Variants in C10orf67 observed in about 807,000 individuals in gnomAD.
The protein encoded by C10orf67 is chromosome 10 open reading frame 67, also known as uncharacterized protein C10orf67, mitochondrial.
A neutral mutation model predicts 35.6 loss-of-function variants in C10orf67; 60 were observed. The ratio of observed to expected loss-of-function variants is 1.68; its 90% CI spans 1.37 to 2.09. The LOEUF is 2.09. Ranked by LOEUF, C10orf67 falls within the 30% of genes most tolerant of loss-of-function variation. The pLI is 0.00. For synonymous variants in C10orf67, 167 were observed against 115.8 expected (o/e 1.44, Z -2.84); for missense variants, 474 against 330.2 (o/e 1.44, Z -3.38).
At chr10:23,294,374 CA>C in intron 5 of C10orf67, among the ~76,000 whole-genome samples, 1 of 152,082 alleles carries the variant, frequency 6.6e-6, no homozygotes, top group Non-Finnish European at 1.5e-5. Context: ...CAGGCACACA[CA>C]CACACACACA....
At chr10:23,313,292 T>C (rs982118059) in intron 4 of C10orf67, among the ~76,000 whole-genome samples, 3 of 152,170 alleles carry the variant, frequency 2.0e-5, no homozygotes, top group African/African-American at 7.2e-5. Flanking sequence ...TGCTGGAAAA[T>C]CAGACAATGG....
intron 12 of C10orf67, among the ~76,000 whole-genome samples, chr10:23,244,426 T>C (rs1462798683): frequency 6.6e-6 from 1 of 151,862 alleles, no homozygotes; most frequent in Non-Finnish European, 1.5e-5. Context: ...AATAAAACAT[T>C]AAAAATTAGA....
At chr10:23,288,806 T>C (rs1377418602) in intron 7 of C10orf67, among the ~76,000 whole-genome samples, 1 of 152,190 alleles carries the variant, frequency 6.6e-6, no homozygotes, top group Non-Finnish European at 1.5e-5. Flanking sequence ...TACTGGAAGA[T>C]ATTTATGTTT....
intron 4 of C10orf67, among the ~76,000 whole-genome samples, chr10:23,305,967 GCACA>G (rs149195889): frequency 1.3e-5 from 2 of 149,380 alleles, no homozygotes; most frequent in African/African-American, 2.5e-5. Flanking sequence ...TTACATACGC[GCACA>G]CACACACACA....
At chr10:23,243,159 A>G (rs1842226109) in intron 12 of C10orf67, among the ~76,000 whole-genome samples, 1 of 152,248 alleles carries the variant, frequency 6.6e-6, no homozygotes, top group Non-Finnish European at 1.5e-5. Context: ...TGAGATCAGT[A>G]TCTAAATTGT....
chr10:23,239,760 G>A lies in C10orf67; in HGVS notation c.1403C>T (p.Ala468Val), dbSNP rs752876744. ...ATTGAAGGATGTGTCAGCAAGCACTGCAAACTGACGAAACAGTGTGTGCCT... is the reference window on the plus strand; with the variant it reads ...ATTGAAGGATGTGTCAGCAAGCACTACAAACTGACGAAACAGTGTGTGCCT... ...FTRHTLFRQF[A>V]VLADTSFNYI... Residue 468 changes from alanine to valine, a missense_variant, in exon 13 of 16, where the codon GCA (alanine) becomes GTA (valine). Physicochemically the swap from Ala to Val is moderately conservative, Grantham distance 64 (BLOSUM62 0). Coordinates refer to ENST00000636213, the MANE Select transcript of C10orf67 (RefSeq NM_001371909.1). The A allele has an allele frequency of 3.0e-6, 2 of 656,638 alleles. No homozygotes were observed. The highest frequency in any genetic ancestry group is 2.7e-5 in the East Asian group (1 of 36,450). 40.7% of individuals were successfully genotyped at this position (656,638 alleles called of 1,614,324 possible). A position where few individuals can be genotyped will look rare whatever the true frequency, so the allele number is the denominator to read the frequency against.
At chr10:23,292,735 G>A (rs1242261973) in intron 5 of C10orf67, among the ~76,000 whole-genome samples, 1 of 152,144 alleles carries the variant, frequency 6.6e-6, no homozygotes, top group Non-Finnish European at 1.5e-5. Context: ...ATGTGTGTGT[G>A]TGTGTGTGTA....
At chr10:23,326,770 C>T (rs1006669533) in intron 2 of C10orf67, among the ~76,000 whole-genome samples, 5 of 152,050 alleles carry the variant, frequency 3.3e-5, no homozygotes, top group African/African-American at 9.7e-5. Context: ...AATATTAATG[C>T]TAAGTACACT....
chr10:23,285,249 C>T (rs1029911099), intron 7 of C10orf67, among the ~76,000 whole-genome samples: 18 of 151,146 alleles, frequency 1.2e-4, no homozygotes, highest in African/African-American at 4.4e-4. Flanking sequence ...CAAAATGTCC[C>T]TATATTCAAT....
chr10:23,314,209 T>C (rs997620405), intron 4 of C10orf67, among the ~76,000 whole-genome samples: 1 of 146,332 alleles, frequency 6.8e-6, no homozygotes, highest in Non-Finnish European at 1.5e-5. Context: ...CAACAACGAA[T>C]ACCCAAACAA....
chr10:23,332,675 CA>C (rs57837146), intron 2 of C10orf67, among the ~76,000 whole-genome samples: 15,316 of 134,738 alleles, frequency 0.11, 980 homozygotes, highest in Non-Finnish European at 0.15. Context: ...GACACTGTCT[CA>C]AAAAAAAAAA....
rs1843819519 is a variant in C10orf67, at chr10:23,294,482, C to T, written c.703-3203G>A. On this transcript the variant is annotated intron_variant, in intron 5 of 15. Transcript: ENST00000636213. Reference sequence around the variant, plus strand: ...CTCAAGAGGATTAGCCAACGGACAGCATGGAAACCTGATGGCTACAATGGT... The same window carrying T: ...CTCAAGAGGATTAGCCAACGGACAGTATGGAAACCTGATGGCTACAATGGT... Among the ~76,000 whole-genome samples the T allele has an allele frequency of 2.0e-5, 3 of 152,104 alleles. No homozygotes were observed. In the South Asian group the frequency reaches 6.2e-4, roughly 32 times the overall value.
chr10:23,210,997 G>A (rs1448126858), intron 15 of C10orf67, among the ~76,000 whole-genome samples: 1 of 152,156 alleles, frequency 6.6e-6, no homozygotes, highest in Non-Finnish European at 1.5e-5. Flanking sequence ...TTAATGTAAT[G>A]CCAATGAAGT....
Position 23,223,731 on chromosome 10 carries a change from A to G in C10orf67, c.1509+13T>C, listed in dbSNP as rs926958032. The G allele has an allele frequency of 1.1e-5, 8 of 716,300 alleles. No homozygotes were observed. The Admixed American group carries it at 1.6e-4, about 14-fold the overall frequency. 44.4% of individuals were successfully genotyped at this position (716,300 alleles called of 1,614,324 possible). On this transcript the variant is annotated intron_variant, in intron 14 of 15. Coordinates refer to ENST00000636213, the MANE Select transcript of C10orf67 (RefSeq NM_001371909.1). ...CTCAGTAAATATTTAATAAAGAAAA[A>G]TAAGCTACTTACTGAAGATGTACAA...
intron 8 of C10orf67, among the ~76,000 whole-genome samples, chr10:23,278,895 A>G (rs1212015186): frequency 6.6e-6 from 1 of 152,178 alleles, no homozygotes; most frequent in East Asian, 1.9e-4. Flanking sequence ...TGAATTTTGA[A>G]CAACACACCC....
chr10:23,307,609 T>TTTTTG (rs796579336), intron 4 of C10orf67, among the ~76,000 whole-genome samples: 635 of 58,376 alleles, frequency 0.011, 7 homozygotes, highest in African/African-American at 0.098. Context: ...TTTTATTTAG[T>TTTTTG]TTTTTTTTTT....
At chr10:23,343,847 G>C in intron 1 of C10orf67, 1 of 454,946 alleles carries the variant, frequency 2.2e-6, no homozygotes, top group South Asian at 1.6e-5. Flanking sequence ...CGTTGAGCGA[G>C]GGCCGGGGCG....
At chr10:23,228,247 G>T (rs901869615) in intron 13 of C10orf67, among the ~76,000 whole-genome samples, 13 of 152,088 alleles carry the variant, frequency 8.5e-5, no homozygotes, top group Non-Finnish European at 1.5e-4. Flanking sequence ...CAGAGATATA[G>T]ACCAATGGAA....
chr10:23,302,436 C>T (rs7089898), intron 5 of C10orf67, among the ~76,000 whole-genome samples: 58,985 of 151,956 alleles, frequency 0.39, 14,397 homozygotes, highest in East Asian at 0.74. Flanking sequence ...CTGTCTCTGC[C>T]TCTTCATCTG....
Sources: gnomAD v4.1 joint callset for allele counts (sites outside exome capture counted in the v4.1 genomes callset) on GRCh38, gnomAD v4.1.1 for gene constraint, MANE v1.5 for transcripts, NCBI Gene and HGNC (gene_info 2026-07-23, HGNC 2026-07-21) for gene names.